The following MED13 variants were observed in gnomAD, a reference collection of about 807,000 sequenced individuals.
The protein encoded by MED13 is mediator of RNA polymerase II transcription subunit 13.
Under a neutral mutation model 225.2 loss-of-function variants are expected in MED13, and 23 were observed. The observed-to-expected ratio is 0.10, with a 90% CI of 0.07 to 0.14. The LOEUF (loss-of-function observed/expected upper bound fraction) is 0.14. Ranked by LOEUF, MED13 falls within the 10% of genes least tolerant of loss-of-function variation. MED13 has a pLI of 1.00. For synonymous variants in MED13, 942 were observed against 889.2 expected, an observed-to-expected ratio of 1.06 and a Z score of -1.06; for missense variants, 2,197 against 2,594.5, an observed-to-expected ratio of 0.85 and a Z score of 3.33.
chr17:61,955,694 A>G lies in MED13; in HGVS notation c.5768T>C (p.Phe1923Ser). ...CLVAMEPQGSFVIMPDSVSTG... is the reference protein window; with the variant it reads ...CLVAMEPQGSSVIMPDSVSTG... Reference sequence around the variant, plus strand: ...AGATAGCTAACCTGGCATAATAACAAAAGAGCCTTGCGGCTCCATTGCCAC... The same window carrying G: ...AGATAGCTAACCTGGCATAATAACAGAAGAGCCTTGCGGCTCCATTGCCAC... Residue 1923 changes from phenylalanine (F) to serine (S), a missense_variant, in exon 25 of 30, where the codon TTT (phenylalanine) becomes TCT (serine). Transcript: ENST00000397786. 6.2e-7 allele frequency: 1 copy of G among 1,600,250 alleles called. No individual in the cohort carries two copies. Among genetic ancestry groups the G allele is most frequent in the Non-Finnish European group, 8.5e-7 (1 of 1,176,554 alleles).
At chr17:61,962,695 T>A in intron 21 of MED13, 57 bp downstream of exon 21, 1 of 1,493,452 alleles carries the variant, frequency 6.7e-7, no homozygotes, top group East Asian at 2.3e-5. Context: ...ATCTGAAACT[T>A]CTGACAACAT....
chr17:61,990,614 C>T (rs1477656667), intron 11 of MED13, among the ~76,000 whole-genome samples: 1 of 131,152 alleles, frequency 7.6e-6, no homozygotes, highest in East Asian at 2.0e-4. Flanking sequence ...CACACACACA[C>T]TTGGCGCACT....
chr17:61,965,991 G>T (rs982563301), intron 19 of MED13, among the ~76,000 whole-genome samples: 1 of 151,952 alleles, frequency 6.6e-6, no homozygotes, highest in Non-Finnish European at 1.5e-5. Context: ...AATACAGTTA[G>T]GCACGGGTAG....
Position 61,965,237 on chromosome 17 carries a change from G to A in MED13, c.4613C>T (p.Thr1538Ile), listed in dbSNP as rs2080046283. The A allele has an allele frequency of 6.2e-7, 1 of 1,614,018 alleles. No individual in the cohort carries two copies. The highest frequency in any genetic ancestry group is 1.3e-5 in the African/African-American group (1 of 74,938). The change falls in exon 20 of 30, where the codon ACT (threonine) becomes ATT (isoleucine). Residue 1538 changes from threonine (T) to isoleucine (I), a missense_variant. Around this residue, in one of 12 missense-constraint regions of MED13, gnomAD observed 457 missense variants for 442.2 expected, o/e 1.03. Transcript: ENST00000397786. ...CAAGTTGGAGGATGATGAAGATGAA[G>A]TTGAAGCTGTGGTCAAAGTTGAATT... ...TANSTLTTAS[T>I]SSSSSSNLNS...
intron 8 of MED13, among the ~76,000 whole-genome samples, chr17:62,027,387 G>A (rs2080712587): frequency 6.6e-6 from 1 of 152,214 alleles, no homozygotes; most frequent in South Asian, 2.1e-4. Flanking sequence ...GTCATATGCA[G>A]ATGACTGAAA....
chr17:61,990,650 T>TATATACATAC (rs1491124278), intron 11 of MED13, among the ~76,000 whole-genome samples: 1 of 141,140 alleles, frequency 7.1e-6, no homozygotes, highest in African/African-American at 2.7e-5. Flanking sequence ...TATATATATA[T>TATATACATAC]ACACACTCCC....
chr17:61,991,087 T>C (rs960254915), intron 11 of MED13, among the ~76,000 whole-genome samples: 1 of 152,166 alleles, frequency 6.6e-6, no homozygotes, highest in Non-Finnish European at 1.5e-5. Context: ...CAATCATAGT[T>C]GAGCTTATTC....
chr17:62,035,386 C>T, intron 4 of MED13, 77 bp downstream of exon 4: 1 of 1,246,562 alleles, frequency 8.0e-7, no homozygotes, highest in Non-Finnish European at 1.1e-6. Flanking sequence ...TCCATCAATC[C>T]CCAAATGTAA....
chr17:62,036,789 A>T (rs935008578), intron 3 of MED13: 1 of 152,258 alleles, frequency 6.6e-6, no homozygotes. Flanking sequence ...AACAAGAAAT[A>T]GAAATTTAAG....
intron 8 of MED13, among the ~76,000 whole-genome samples, chr17:62,015,301 C>T (rs527647186): frequency 6.6e-6 from 1 of 152,232 alleles, no homozygotes; most frequent in South Asian, 2.1e-4. Flanking sequence ...TTAAGATTTG[C>T]TTTAAAAACC....
At chr17:62,042,074 T>C (rs1199578771) in intron 3 of MED13, among the ~76,000 whole-genome samples, 1 of 152,210 alleles carries the variant, frequency 6.6e-6, no homozygotes, top group African/African-American at 2.4e-5. Context: ...GAATCATTAA[T>C]CTGTATTTCT....
At chr17:61,986,479 C>A (rs1227752859) in intron 12 of MED13, among the ~76,000 whole-genome samples, 1 of 152,132 alleles carries the variant, frequency 6.6e-6, no homozygotes, top group East Asian at 1.9e-4. Context: ...TTTATCTTCA[C>A]CTTTCTCTGC....
At position 61,945,249 on chromosome 17, in the gene MED13, A is replaced by G. The variant is rs1029577592; in HGVS notation, c.*1219T>C. ...CACACACACACACCCATACATATGC[A>G]TACTCTCACATACATTCCCAATCTT... On this transcript the variant is annotated 3_prime_UTR_variant, in exon 30 of 30. Transcript: ENST00000397786. 6.6e-6 allele frequency: 1 copy of G among 152,142 alleles called. No individual in the cohort carries two copies. Among genetic ancestry groups the G allele is most frequent in the Admixed American group, 6.6e-5 (1 of 15,260 alleles). 9.4% of individuals were successfully genotyped at this position (152,142 alleles called of 1,614,324 possible). A position where few individuals can be genotyped will look rare whatever the true frequency, so the allele number is the denominator to read the frequency against.
At chr17:62,061,226 C>T (rs997020373) in intron 2 of MED13, among the ~76,000 whole-genome samples, 9 of 152,040 alleles carry the variant, frequency 5.9e-5, no homozygotes, top group Admixed American at 2.6e-4. Flanking sequence ...TTTTCTATTA[C>T]GGTAAAACTA....
At chr17:62,008,915 A>G (rs568813710) in intron 9 of MED13, among the ~76,000 whole-genome samples, 2 of 152,268 alleles carry the variant, frequency 1.3e-5, no homozygotes, top group South Asian at 2.1e-4. Flanking sequence ...TGATGTTGAG[A>G]AAAAAAGCTA....
rs189218403 is a variant in MED13 at position 62,035,804 on chromosome 17, A to T, written c.471-196T>A. Among the ~76,000 whole-genome samples, 10 of 152,352 alleles carry T rather than the reference A, an allele frequency of 6.6e-5. No homozygotes were observed. In the East Asian group the frequency reaches 1.9e-3, roughly 29 times the overall value. Reference sequence around the variant, plus strand: ...TGTTCTTTACAACACTGTTTATAGTAGGAAAGGCTGCAAATACAGGAACCA... The same window carrying T: ...TGTTCTTTACAACACTGTTTATAGTTGGAAAGGCTGCAAATACAGGAACCA... On this transcript the variant is annotated intron_variant, in intron 3 of 29. Transcript: ENST00000397786.
intron 9 of MED13, among the ~76,000 whole-genome samples, chr17:62,010,004 T>C (rs1486623070): frequency 1.3e-5 from 2 of 152,038 alleles, no homozygotes; most frequent in East Asian, 1.9e-4. Context: ...GGTGGATCAC[T>C]TGAGGTCAGG....
At chr17:62,023,731 C>T (rs1179739238) in intron 8 of MED13, among the ~76,000 whole-genome samples, 1 of 124,450 alleles carries the variant, frequency 8.0e-6, no homozygotes, top group Non-Finnish European at 1.6e-5. Context: ...AGTCAGTTAT[C>T]AATGTATGCC....
chr17:61,982,683 A>C lies in MED13; in HGVS notation c.3320T>G (p.Val1107Gly). 2 of 1,614,206 alleles carry C rather than the reference A, an allele frequency of 1.2e-6. No individual in the cohort carries two copies. The highest frequency in any genetic ancestry group is 1.7e-6 in the Non-Finnish European group (2 of 1,180,030). Residue 1107 changes from valine (V) to glycine (G), a missense_variant, in exon 16 of 30, where the codon GTT becomes GGT. Physicochemically the swap from Val to Gly is moderately radical, Grantham distance 109 (BLOSUM62 -3). Transcript: ENST00000397786. ...CGTTGGATCTGGAATGTAAACTCCA[A>C]CATCGGCACCCTTGATGTTCATGTT... Reference protein sequence around the residue: ...VCNMNIKGADVGVYIPDPTQE... With the variant: ...VCNMNIKGADGGVYIPDPTQE...
Sources: gnomAD v4.1 joint callset for allele counts (sites outside exome capture counted in the v4.1 genomes callset) on GRCh38, gnomAD v4.1.1 for gene constraint, gnomAD v4.1.1 regional missense constraint, MANE v1.5 for transcripts, NCBI Gene and HGNC (gene_info 2026-07-23, HGNC 2026-07-21) for gene names.